ZNF33B: variants seen among roughly 807,000 people sequenced by gnomAD.
The protein encoded by ZNF33B is zinc finger protein 33B.
ZNF33B carries 29 observed loss-of-function variants against 45.8 expected under a neutral mutation model. That is an observed-to-expected ratio of 0.63 (90% CI 0.47 to 0.86). The LOEUF (loss-of-function observed/expected upper bound fraction) is 0.86. Among genes scored for constraint, ZNF33B ranks in the 40% least tolerant of loss-of-function variants. ZNF33B has a pLI of 0.00. For missense variants in ZNF33B, 831 were observed against 909.9 expected (o/e 0.91, Z 1.12); for synonymous variants, 305 against 307.8 (o/e 0.99, Z 0.10).
At chr10:42,606,032 A>T (rs1837831406) in intron 4 of ZNF33B, among the ~76,000 whole-genome samples, 1 of 152,074 alleles carries the variant, frequency 6.6e-6, no homozygotes, top group Non-Finnish European at 1.5e-5. Context: ...CAGGAGGTTG[A>T]GGCTGCAATG....
rs1837219945 is a variant in ZNF33B, at chr10:42,593,163, A to G, written c.1787T>C (p.Leu596Pro). The G allele has an allele frequency of 6.2e-7, 1 of 1,613,306 alleles. No individual in the cohort carries two copies. Among genetic ancestry groups the G allele is most frequent in the African/African-American group, 1.3e-5 (1 of 74,614 alleles). The change falls in exon 5 of 5, where the codon CTA becomes CCA. Residue 596 changes from leucine to proline, a missense_variant. Physicochemically the swap from Leu to Pro is moderately conservative, Grantham distance 98 (BLOSUM62 -3). Coordinates refer to ENST00000359467, the MANE Select transcript of ZNF33B (RefSeq NM_006955.3). ...TGTATGTGTTCTATTATGTTTTGTT[A>G]GGTATGATTTATTGTAAAAGATTTT... is the stretch of plus-strand genomic sequence containing the variant. Reference protein sequence around the residue: ...CGKIFYNKSYLTKHNRTHTGE... With the variant: ...CGKIFYNKSYPTKHNRTHTGE...
intron 4 of ZNF33B, among the ~76,000 whole-genome samples, chr10:42,620,217 GAA>G (rs35650961): frequency 0.056 from 5,661 of 100,480 alleles, 163 homozygotes; most frequent in Non-Finnish European, 0.08. Context: ...CTTTGGTCTT[GAA>G]AAAAAAAAAA....
rs1837119040 is a variant in ZNF33B at position 42,591,431 on chromosome 10, T to C, written c.*1182A>G. On this transcript the variant is annotated 3_prime_UTR_variant, in exon 5 of 5. Transcript: ENST00000359467. The stretch of plus-strand genomic sequence containing the variant: ...CTTCACACGTACAGGATAGATTTTT[T>C]TTCAGATAATCTGTTATTTTGATTT... 6.5e-6 allele frequency: 2 copies of C among 305,958 alleles called. No individual in the cohort carries two copies. Among genetic ancestry groups the C allele is most frequent in the Non-Finnish European group, 9.6e-6 (2 of 208,954 alleles). The allele number at this position is 305,958 out of a possible 1,614,324, so 19.0% of individuals were successfully genotyped here.
chr10:42,609,345 G>C (rs912305812), intron 4 of ZNF33B, among the ~76,000 whole-genome samples: 2 of 152,104 alleles, frequency 1.3e-5, no homozygotes, highest in Non-Finnish European at 2.9e-5. Context: ...CCTGAGCCTG[G>C]GAAGTCAGGC....
At chr10:42,595,620 G>GT (rs1414285393) in intron 4 of ZNF33B, among the ~76,000 whole-genome samples, 4 of 152,124 alleles carry the variant, frequency 2.6e-5, no homozygotes, top group African/African-American at 9.7e-5. Flanking sequence ...GGTCATAAGG[G>GT]TAAGACTAAT....
chr10:42,575,729 C>T lies in ZNF33B; in HGVS notation c.74-1051G>A, dbSNP rs200609677. On this transcript the variant is annotated intron_variant, in intron 1 of 1. Transcript: ENST00000462075. The stretch of plus-strand genomic sequence containing the variant: ...GCATAATAATATATATATATATATA[C>T]ATATATATTTTTTTTTTTTGAGACA... 4.2e-3 allele frequency among the ~76,000 whole-genome samples: 475 copies of T among 114,198 alleles called. 2 individuals carry two copies. The highest frequency in any genetic ancestry group is 4.7e-3 in the Admixed American group (49 of 10,420). 74.9% of individuals were successfully genotyped at this position (114,198 alleles called of 152,430 possible). A position where few individuals can be genotyped will look rare whatever the true frequency, so the allele number is the denominator to read the frequency against.
In ZNF33B at chr10:42,593,840, T is replaced by G; in HGVS notation, c.1110A>C (p.Ser370=). Residue 370 remains serine, a synonymous_variant, in exon 5 of 5, where the codon TCA becomes TCC. Coordinates refer to ENST00000359467, the MANE Select transcript of ZNF33B (RefSeq NM_006955.3). The stretch of plus-strand genomic sequence containing the variant: ...GTGATCTCTGATGTTTAGTGAGGTT[T>G]GACTTCTCCCAGAAAGTTTTTCCAC... ...NQCGKTFWEK[S]NLTKHQRSHT... 6.2e-7 allele frequency: 1 copy of G among 1,614,136 alleles called. No homozygotes were observed. The highest frequency in any genetic ancestry group is 8.5e-7 in the Non-Finnish European group (1 of 1,179,974).
chr10:42,585,782 C>A (rs7924018), downstream of ZNF33B, among the ~76,000 whole-genome samples: 4,694 of 152,224 alleles, frequency 0.031, 208 homozygotes, highest in East Asian at 0.13. Context: ...AATTTTTTGG[C>A]AAGTTTAAGC....
At chr10:42,602,165 G>T (rs1305859059) in intron 4 of ZNF33B, among the ~76,000 whole-genome samples, 3 of 151,998 alleles carry the variant, frequency 2.0e-5, no homozygotes, top group African/African-American at 7.3e-5. Context: ...GAGCTCAGGA[G>T]ATCCACCTGC....
rs766433968 is a variant in ZNF33B at position 42,593,963 on chromosome 10, A to C, written c.987T>G (p.Phe329Leu). The stretch of plus-strand genomic sequence containing the variant: ...AAGCTTTCCCACATTCATTACATTC[A>C]AAGTGTTTCTCTCCTTTATCACCTT... ...LQKGDKGEKH[F>L]ECNECGKAFW... is the part of the protein sequence containing the mutation. Residue 329 changes from phenylalanine (F) to leucine (L), a missense_variant, in exon 5 of 5, where the codon TTT (phenylalanine) becomes TTG (leucine). Phe to Leu is a conservative substitution (Grantham distance 22). Coordinates refer to ENST00000359467, the MANE Select transcript of ZNF33B (RefSeq NM_006955.3). The C allele has an allele frequency of 1.1e-5, 17 of 1,614,094 alleles. 1 individual carries two copies. The Middle Eastern group carries it at 1.6e-3, about 157-fold the overall frequency.
intron 4 of ZNF33B, among the ~76,000 whole-genome samples, chr10:42,597,088 A>G (rs1837429616): frequency 6.6e-6 from 1 of 152,064 alleles, no homozygotes; most frequent in Non-Finnish European, 1.5e-5. Flanking sequence ...GTTATCTTCT[A>G]TTCTTCATTT....
downstream of ZNF33B, among the ~76,000 whole-genome samples, chr10:42,585,974 C>T (rs1836925807): frequency 6.6e-6 from 1 of 152,166 alleles, no homozygotes; most frequent in Admixed American, 6.5e-5. Flanking sequence ...CCATGTGAAC[C>T]TGTGGGACCA....
chr10:42,631,313 C>T (rs1054764834), intron 4 of ZNF33B, among the ~76,000 whole-genome samples: 8 of 152,092 alleles, frequency 5.3e-5, no homozygotes, highest in African/African-American at 1.9e-4. Context: ...TCAAGTGATT[C>T]TCCTGCCTCA....
chr10:42,579,354 CTATG>C (rs71533029), intron 1 of ZNF33B, among the ~76,000 whole-genome samples: 13,068 of 152,086 alleles, frequency 0.086, 617 homozygotes, highest in Admixed American at 0.15. Flanking sequence ...AACCCTTGCC[CTATG>C]TATGTTTAAC....
downstream of ZNF33B, among the ~76,000 whole-genome samples, chr10:42,584,259 T>C (rs750937946): frequency 1.3e-5 from 2 of 152,206 alleles, no homozygotes; most frequent in African/African-American, 2.4e-5. Context: ...ATTGCCAGAA[T>C]GACAAGGACA....
intron 4 of ZNF33B, among the ~76,000 whole-genome samples, chr10:42,601,522 G>C (rs1236515610): frequency 1.4e-5 from 2 of 140,942 alleles, no homozygotes; most frequent in African/African-American, 5.3e-5. Context: ...CACCAGGCTG[G>C]AGTGCAGTGG....
Position 42,638,447 on chromosome 10 carries a change from G to A in ZNF33B, c.-45+27C>T, listed in dbSNP as rs565294672. 1.4e-4 allele frequency: 52 copies of A among 366,046 alleles called. 1 individual carries two copies. The highest frequency in any genetic ancestry group is 9.2e-4 in the Admixed American group (30 of 32,548). The allele number at this position is 366,046 out of a possible 1,614,324, so 22.7% of individuals were successfully genotyped here. A position where few individuals can be genotyped will look rare whatever the true frequency, so the allele number is the denominator to read the frequency against. On this transcript the variant is annotated intron_variant, in intron 1 of 4. Coordinates refer to ENST00000359467, the MANE Select transcript of ZNF33B (RefSeq NM_006955.3). ...TGGAGTCGCGCGGGGCCCCCTCTCC[G>A]TCCCTGCCCAACCCGCGGAGGCTTA...
downstream of ZNF33B, among the ~76,000 whole-genome samples, chr10:42,586,636 C>T (rs777017662): frequency 1.3e-5 from 2 of 152,236 alleles, no homozygotes; most frequent in African/African-American, 2.4e-5. Flanking sequence ...CAAACACACA[C>T]ACACAGTCAT....
chr10:42,595,808 C>T (rs191636688), intron 4 of ZNF33B, among the ~76,000 whole-genome samples: 69 of 152,198 alleles, frequency 4.5e-4, no homozygotes, highest in Middle Eastern at 6.8e-3. Flanking sequence ...TCACCAGAAA[C>T]CAACGCTGTT....
Sources: allele counts gnomAD v4.1 joint callset (sites outside exome capture counted in the v4.1 genomes callset), GRCh38; gene constraint gnomAD v4.1.1; transcripts MANE v1.5; gene names NCBI Gene and HGNC (gene_info 2026-07-23, HGNC 2026-07-21).